KDM4C: variants seen among roughly 807,000 people sequenced by gnomAD.
KDM4C encodes the protein lysine-specific demethylase 4C.
In KDM4C, 81 loss-of-function variants were observed where a neutral mutation model predicts 129.3. That is an observed-to-expected ratio of 0.63 (90% CI 0.52 to 0.75). The LOEUF (loss-of-function observed/expected upper bound fraction) is 0.75. Among genes scored for constraint, KDM4C ranks in the 30% least tolerant of loss-of-function variants. KDM4C has a pLI of 0.00. For synonymous variants in KDM4C, 573 were observed against 456.1 expected (o/e 1.26, Z -3.26); for missense variants, 1,457 against 1,304.0 (o/e 1.12, Z -1.81).
chr9:7,157,093 G>A (rs1158235934), intron 19 of KDM4C, among the ~76,000 whole-genome samples: 2 of 152,172 alleles, frequency 1.3e-5, no homozygotes, highest in East Asian at 1.9e-4. Context: ...GGATTCCTAG[G>A]TATTTTATTT....
intron 19 of KDM4C, among the ~76,000 whole-genome samples, chr9:7,163,016 C>G (rs991073412): frequency 2.6e-5 from 4 of 152,044 alleles, no homozygotes; most frequent in Non-Finnish European, 1.5e-5. Flanking sequence ...ATACTGGACC[C>G]TGGAATTAGA....
At chr9:6,849,037 T>G (rs548953694) in intron 4 of KDM4C, among the ~76,000 whole-genome samples, 71 of 152,300 alleles carry the variant, frequency 4.7e-4, no homozygotes, top group African/African-American at 1.7e-3. Flanking sequence ...GCAGAAGATA[T>G]ATTTTGCTGT....
At chr9:7,044,613 C>T (rs1216698494) in intron 15 of KDM4C, among the ~76,000 whole-genome samples, 1 of 151,842 alleles carries the variant, frequency 6.6e-6, no homozygotes, top group Admixed American at 6.6e-5. Flanking sequence ...GGATGGTAGG[C>T]ACCAATGATG....
At chr9:7,086,172 C>G (rs1404482257) in intron 17 of KDM4C, among the ~76,000 whole-genome samples, 2 of 152,080 alleles carry the variant, frequency 1.3e-5, no homozygotes, top group Non-Finnish European at 2.9e-5. Context: ...AAAACAAAAA[C>G]AGTTATTCTT....
At chr9:7,121,056 C>T (rs554569371) in intron 18 of KDM4C, among the ~76,000 whole-genome samples, 33 of 152,264 alleles carry the variant, frequency 2.2e-4, no homozygotes, top group African/African-American at 7.7e-4. Flanking sequence ...ACATCACTAA[C>T]ATTTTAGTAT....
chr9:7,021,287 G>A (rs2132257514), intron 15 of KDM4C, among the ~76,000 whole-genome samples: 1 of 152,010 alleles, frequency 6.6e-6, no homozygotes, highest in Middle Eastern at 3.4e-3. Flanking sequence ...TGGGATTACA[G>A]GCGCATGCCA....
chr9:6,987,853 A>G (rs1368843142), intron 11 of KDM4C, among the ~76,000 whole-genome samples: 2 of 152,076 alleles, frequency 1.3e-5, no homozygotes, highest in East Asian at 1.9e-4. Context: ...TTCACATACT[A>G]ATAAGCAAAA....
At chr9:6,963,408 A>G (rs544654275) in intron 8 of KDM4C, among the ~76,000 whole-genome samples, 3 of 152,246 alleles carry the variant, frequency 2.0e-5, no homozygotes, top group Non-Finnish European at 4.4e-5. Flanking sequence ...TCTTACAGGA[A>G]GCCCAGAGGC....
At chr9:6,780,042 C>T (rs908493403) in intron 1 of KDM4C, among the ~76,000 whole-genome samples, 27 of 152,106 alleles carry the variant, frequency 1.8e-4, no homozygotes, top group Non-Finnish European at 3.4e-4. Flanking sequence ...TCTGACTCAC[C>T]CTTATCTTAA....
intron 4 of KDM4C, among the ~76,000 whole-genome samples, chr9:6,823,680 C>T (rs1833407890): frequency 6.6e-6 from 1 of 152,224 alleles, no homozygotes; most frequent in African/African-American, 2.4e-5. Flanking sequence ...AATCATTGGT[C>T]TCCTACCCTG....
intron 15 of KDM4C, among the ~76,000 whole-genome samples, chr9:7,026,761 T>G (rs1443873258): frequency 6.6e-6 from 1 of 152,064 alleles, no homozygotes; most frequent in Non-Finnish European, 1.5e-5. Context: ...CCTGTAGGTG[T>G]GCTTCACTGG....
intron 5 of KDM4C, among the ~76,000 whole-genome samples, chr9:6,879,571 T>C (rs1444920143): frequency 1.3e-5 from 2 of 152,160 alleles, no homozygotes; most frequent in African/African-American, 2.4e-5. Context: ...AAAAATATTT[T>C]AAAATTTAGA....
intron 8 of KDM4C, among the ~76,000 whole-genome samples, chr9:6,912,016 A>G (rs1563800918): frequency 6.6e-6 from 1 of 152,172 alleles, no homozygotes; most frequent in Non-Finnish European, 1.5e-5. Context: ...CCAAAACTAG[A>G]TGGTAGCCAG....
intron 21 of KDM4C, among the ~76,000 whole-genome samples, chr9:7,172,711 C>T (rs559386346): frequency 3.3e-5 from 5 of 152,304 alleles, no homozygotes; most frequent in South Asian, 2.1e-4. Context: ...CTTTACGCTT[C>T]GGTACATTTT....
chr9:6,775,492 T>A (rs140045595), intron 1 of KDM4C, among the ~76,000 whole-genome samples: 29 of 152,218 alleles, frequency 1.9e-4, no homozygotes, highest in Middle Eastern at 3.4e-3. Context: ...TGTCTATTGT[T>A]GAACTTACGC....
chr9:6,929,162 T>A (rs2131288730), intron 8 of KDM4C, among the ~76,000 whole-genome samples: 1 of 152,366 alleles, frequency 6.6e-6, no homozygotes, highest in Non-Finnish European at 1.5e-5. Context: ...AATTCTTAGT[T>A]ATCTTTACCT....
In KDM4C at chr9:7,027,157, C is replaced by G. The variant is rs141302593; in HGVS notation, c.2259+11228C>G. ...TGTCTTGATGCTTATGGATGTTCAT[C>G]TGTCTAGGCATTAAAGAGTTAGGTA... On this transcript the variant is annotated intron_variant, in intron 15 of 21. Transcript: ENST00000381309. Among the ~76,000 whole-genome samples the G allele has an allele frequency of 9.9e-5, 15 of 152,208 alleles. No individual in the cohort carries two copies. In the East Asian group the frequency reaches 1.7e-3, roughly 18 times the overall value.
intron 15 of KDM4C, among the ~76,000 whole-genome samples, chr9:7,040,601 T>C (rs867125001): frequency 2.0e-4 from 31 of 152,152 alleles, no homozygotes; most frequent in African/African-American, 6.7e-4. Flanking sequence ...TGTTAGATTT[T>C]TATCACACTG....
intron 17 of KDM4C, among the ~76,000 whole-genome samples, chr9:7,055,212 C>T (rs928707188): frequency 3.3e-5 from 5 of 152,168 alleles, no homozygotes; most frequent in Non-Finnish European, 7.4e-5. Context: ...TGGCATTGTT[C>T]ATGGGTCACA....
Sources: allele counts gnomAD v4.1 joint callset (sites outside exome capture counted in the v4.1 genomes callset), GRCh38; gene constraint gnomAD v4.1.1; transcripts MANE v1.5; gene names NCBI Gene and HGNC (gene_info 2026-07-23, HGNC 2026-07-21).